The following ABI3BP variants were observed in gnomAD, a reference collection of about 807,000 sequenced individuals.
ABI3BP encodes the protein target of Nesh-SH3.
ABI3BP carries 216 observed loss-of-function variants against 268.6 expected under a neutral mutation model. The observed-to-expected ratio is 0.80, with a 90% CI of 0.72 to 0.90. The LOEUF (loss-of-function observed/expected upper bound fraction) is 0.90. ABI3BP is among the 40% of genes least tolerant of loss of function. ABI3BP has a pLI of 0.00. For synonymous variants in ABI3BP, 730 were observed against 730.0 expected (o/e 1.00, Z 0.00); for missense variants, 2,090 against 2,182.4 (o/e 0.96, Z 0.84).
At chr3:100,927,618 G>A (rs1169185249) in intron 1 of ABI3BP, among the ~76,000 whole-genome samples, 1 of 152,158 alleles carries the variant, frequency 6.6e-6, no homozygotes, top group Non-Finnish European at 1.5e-5. Context: ...CATGGCCAGA[G>A]TAGGAGGAAG....
chr3:100,927,239 G>T (rs1437365359), intron 1 of ABI3BP, among the ~76,000 whole-genome samples: 1 of 152,086 alleles, frequency 6.6e-6, no homozygotes, highest in Non-Finnish European at 1.5e-5. Context: ...AGGCAACAGA[G>T]GCAAATAATC....
chr3:100,823,707 G>A (rs2098295427), intron 36 of ABI3BP, among the ~76,000 whole-genome samples, 193 bp from the exon 37 acceptor site: 1 of 152,144 alleles, frequency 6.6e-6, no homozygotes. Flanking sequence ...GTGAGTCTCA[G>A]GCTTAGCTGT....
At chr3:100,855,440 A>G (rs2153082017) in intron 14 of ABI3BP, among the ~76,000 whole-genome samples, 1 of 152,336 alleles carries the variant, frequency 6.6e-6, no homozygotes, top group East Asian at 1.9e-4. Flanking sequence ...CTTAGACAAA[A>G]GACCTCATTA....
At chr3:100,757,083 T>TA (rs1206539596) in intron 63 of ABI3BP, among the ~76,000 whole-genome samples, 3 of 151,948 alleles carry the variant, frequency 2.0e-5, no homozygotes, top group Non-Finnish European at 4.4e-5. Flanking sequence ...TTTTGGAAGA[T>TA]AAAGTTGAGG....
intron 55 of ABI3BP, 85 bp downstream of exon 55, chr3:100,792,606 G>T: frequency 2.2e-6 from 3 of 1,388,224 alleles, no homozygotes; most frequent in Non-Finnish European, 3.0e-6. Flanking sequence ...ACTGTGTTGA[G>T]AAATGACATT....
chr3:100,978,834 A>C (rs1337070850), intron 1 of ABI3BP, among the ~76,000 whole-genome samples: 1 of 152,238 alleles, frequency 6.6e-6, no homozygotes, highest in Admixed American at 6.5e-5. Flanking sequence ...ATGCATGGTT[A>C]ATCTCATCAG....
intron 63 of ABI3BP, among the ~76,000 whole-genome samples, chr3:100,759,753 A>C (rs1020757486): frequency 1.3e-5 from 2 of 152,192 alleles, no homozygotes; most frequent in East Asian, 1.9e-4. Context: ...GCCCCATGAA[A>C]AGTTGTCAAA....
intron 1 of ABI3BP, among the ~76,000 whole-genome samples, chr3:100,962,819 A>AT: frequency 6.6e-6 from 1 of 152,122 alleles, no homozygotes; most frequent in East Asian, 1.9e-4. Flanking sequence ...GATTGCATTG[A>AT]TTTTCGTGAC....
intron 63 of ABI3BP, among the ~76,000 whole-genome samples, chr3:100,754,963 G>C (rs2095537744): frequency 6.6e-6 from 1 of 152,156 alleles, no homozygotes; most frequent in South Asian, 2.1e-4. Context: ...GACTTGGCAG[G>C]TTAATAAACA....
chr3:100,966,605 A>G (rs1220306996), intron 1 of ABI3BP, among the ~76,000 whole-genome samples: 1 of 152,258 alleles, frequency 6.6e-6, no homozygotes. Flanking sequence ...TGAGAAGTTA[A>G]GGTGGTTTGT....
At chr3:100,940,630 T>G (rs1205701334) in intron 1 of ABI3BP, among the ~76,000 whole-genome samples, 1 of 150,594 alleles carries the variant, frequency 6.6e-6, no homozygotes, top group Non-Finnish European at 1.5e-5. Context: ...CCCTTTTCAC[T>G]GCATGCCTTT....
At chr3:100,955,093 C>T (rs781432019) in intron 1 of ABI3BP, among the ~76,000 whole-genome samples, 1 of 147,484 alleles carries the variant, frequency 6.8e-6, no homozygotes, top group Non-Finnish European at 1.5e-5. Flanking sequence ...CATAACCACA[C>T]GGAGCAGTCA....
At chr3:100,864,185 C>T (rs1487895885) in intron 11 of ABI3BP, 109 bp from the exon 12 acceptor site, 5 of 720,086 alleles carry the variant, frequency 6.9e-6, no homozygotes, top group Non-Finnish European at 1.2e-5. Flanking sequence ...GCACACAGAG[C>T]AGCCAATACC....
intron 57 of ABI3BP, among the ~76,000 whole-genome samples, chr3:100,780,575 A>G (rs914219871): frequency 6.6e-6 from 1 of 151,750 alleles, no homozygotes; most frequent in Non-Finnish European, 1.5e-5. Flanking sequence ...TTCAAAAAAA[A>G]TTTTTTTCTT....
chr3:100,934,128 C>T (rs1330953200), intron 1 of ABI3BP, among the ~76,000 whole-genome samples: 3 of 151,880 alleles, frequency 2.0e-5, no homozygotes, highest in Non-Finnish European at 4.4e-5. Flanking sequence ...GCTACCCCTC[C>T]CCTAACCCCC....
At chr3:100,883,135 T>C (rs2040249771) in intron 6 of ABI3BP, among the ~76,000 whole-genome samples, 1 of 152,098 alleles carries the variant, frequency 6.6e-6, no homozygotes. Context: ...CTAATCAATA[T>C]AGAACCTTAC....
chr3:100,862,924 A>T lies in ABI3BP; in HGVS notation c.1139-15T>A, dbSNP rs750248359. 4.6e-6 allele frequency: 7 copies of T among 1,527,834 alleles called. No individual in the cohort carries two copies. The highest frequency in any genetic ancestry group is 6.1e-6 in the Non-Finnish European group (7 of 1,140,700). The allele number at this position is 1,527,834 out of a possible 1,614,324, so 94.6% of individuals were successfully genotyped here. A position where few individuals can be genotyped will look rare whatever the true frequency, so the allele number is the denominator to read the frequency against. ...GCTTTTTGGAGCTGTAATGAAACAC[A>T]TAAAGAAAGTTACGACCTGAGGTGA... On this transcript the variant is annotated splice_polypyrimidine_tract_variant and intron_variant, in intron 12 of 67. Coordinates refer to ENST00000471714, the MANE Select transcript of ABI3BP (RefSeq NM_001375547.2).
At chr3:100,797,316 T>C (rs2097374175) in intron 51 of ABI3BP, among the ~76,000 whole-genome samples, 1 of 152,100 alleles carries the variant, frequency 6.6e-6, no homozygotes, top group Non-Finnish European at 1.5e-5. Context: ...ATTTGTCTAT[T>C]TGTTAGTACC....
At chr3:100,765,313 G>A (rs967368447) in intron 63 of ABI3BP, among the ~76,000 whole-genome samples, 24 of 152,286 alleles carry the variant, frequency 1.6e-4, no homozygotes, top group African/African-American at 5.5e-4. Flanking sequence ...CAACGTTAAA[G>A]ATATGTAACT....
Sources: allele counts gnomAD v4.1 joint callset (sites outside exome capture counted in the v4.1 genomes callset), GRCh38; gene constraint gnomAD v4.1.1; transcripts MANE v1.5; gene names NCBI Gene and HGNC (gene_info 2026-07-23, HGNC 2026-07-21).